SMARCA5: variants seen among roughly 807,000 people sequenced by gnomAD.
SMARCA5 encodes SNF2 related chromatin remodeling ATPase 5.
SMARCA5 carries 18 observed loss-of-function variants against 140.4 expected under a neutral mutation model. That is an observed-to-expected ratio of 0.13 (90% CI 0.09 to 0.19). The LOEUF (loss-of-function observed/expected upper bound fraction) is 0.19. Among genes scored for constraint, SMARCA5 ranks in the 10% least tolerant of loss-of-function variants. SMARCA5 has a pLI of 1.00. For synonymous variants in SMARCA5, 449 were observed against 419.6 expected (o/e 1.07, Z -0.86); for missense variants, 606 against 1,276.8 (o/e 0.47, Z 8.01).
At chr4:143,543,418 T>A in intron 14 of SMARCA5, 91 bp from the exon 15 acceptor site, 1 of 993,620 alleles carries the variant, frequency 1.0e-6, no homozygotes. Flanking sequence ...GAGATAAAAT[T>A]ATAAAGCATT....
At chr4:143,524,619 G>A (rs1737030421) in intron 4 of SMARCA5, 152 bp downstream of exon 4, 2 of 590,078 alleles carry the variant, frequency 3.4e-6, no homozygotes, top group Non-Finnish European at 6.1e-6. Context: ...GATTTTGATG[G>A]AGATGAGAGC....
intron 22 of SMARCA5, among the ~76,000 whole-genome samples, chr4:143,548,985 A>G (rs1737583742): frequency 6.6e-6 from 1 of 152,134 alleles, no homozygotes; most frequent in African/African-American, 2.4e-5. Context: ...AAACTTAAAT[A>G]CATGAAGATA....
chr4:143,547,106 A>G (rs191546093), intron 20 of SMARCA5, among the ~76,000 whole-genome samples, 198 bp downstream of exon 20: 17 of 152,234 alleles, frequency 1.1e-4, no homozygotes, highest in Admixed American at 9.8e-4. Context: ...TTTTAACCCT[A>G]GCTAACTCTA....
intron 22 of SMARCA5, 85 bp downstream of exon 22, chr4:143,548,225 A>C: frequency 2.6e-6 from 2 of 755,158 alleles, no homozygotes; most frequent in Non-Finnish European, 4.3e-6. Flanking sequence ...ACTTTAAAAA[A>C]ATCTATGAAG....
At chr4:143,518,588 T>A (rs2149816178) in intron 2 of SMARCA5, among the ~76,000 whole-genome samples, 1 of 152,260 alleles carries the variant, frequency 6.6e-6, no homozygotes, top group Non-Finnish European at 1.5e-5. Flanking sequence ...CAGTAAATAT[T>A]TTTGAATGTC....
At chr4:143,550,515 G>T (rs146781765) in intron 23 of SMARCA5, among the ~76,000 whole-genome samples, 341 of 151,854 alleles carry the variant, frequency 2.2e-3, no homozygotes, top group African/African-American at 6.8e-3. Flanking sequence ...CACTGTGTTG[G>T]GCTATCAAAT....
chr4:143,539,796 GAA>G lies in SMARCA5; in HGVS notation c.1771-565_1771-564del, dbSNP rs367700474. ...AGGTGATCCACCCACCTTGGCCTCT[GAA>G]AGTGCTGGGATTACAGGAGTGAGCT... On this transcript the variant is annotated intron_variant, in intron 13 of 23. Coordinates refer to ENST00000283131, the MANE Select transcript of SMARCA5 (RefSeq NM_003601.4). Among the ~76,000 whole-genome samples the G allele has an allele frequency of 2.7e-4, 41 of 152,156 alleles. No individual in the cohort carries two copies. The East Asian group carries it at 6.6e-3, about 24-fold the overall frequency.
chr4:143,528,256 C>G (rs1400907598), intron 7 of SMARCA5, among the ~76,000 whole-genome samples: 8 of 152,154 alleles, frequency 5.3e-5, no homozygotes, highest in Non-Finnish European at 1.2e-4. Flanking sequence ...CACTCCCCGA[C>G]AGGTCCTGGC....
At position 143,546,052 on chromosome 4, in the gene SMARCA5, A is replaced by G; in HGVS notation, c.2520+5A>G. The G allele has an allele frequency of 6.3e-7, 1 of 1,594,304 alleles. No individual in the cohort carries two copies. The highest frequency in any genetic ancestry group is 8.5e-7 in the Non-Finnish European group (1 of 1,173,054). ...AAAGAGAAGCTTCTAACACAGGTAT[A>G]GCCTTTAATCAGTACAAACTTTAGT... On this transcript the variant is annotated splice_donor_5th_base_variant and intron_variant, in intron 19 of 23. Transcript: ENST00000283131.
intron 1 of SMARCA5, among the ~76,000 whole-genome samples, chr4:143,516,177 C>A (rs534331634): frequency 1.6e-4 from 23 of 144,118 alleles, no homozygotes; most frequent in Non-Finnish European, 2.9e-4. Flanking sequence ...AGGTGTTTTT[C>A]TAAACAGAGT....
rs759721825 is a variant in SMARCA5, at chr4:143,543,519, G to A, written c.1914G>A (p.Val638=). The part of the protein sequence containing the change: ...DSIVIQQGRL[V]DQNLNKIGKD... Reference sequence around the variant, plus strand: ...ACAATCTTTTTTCAGGGAGGCTTGTGGATCAGAATCTGAACAAAATTGGGA... The same window carrying A: ...ACAATCTTTTTTCAGGGAGGCTTGTAGATCAGAATCTGAACAAAATTGGGA... Residue 638 remains valine (V), a synonymous_variant, in exon 15 of 24, where the codon GTG becomes GTA. Coordinates refer to ENST00000283131, the MANE Select transcript of SMARCA5 (RefSeq NM_003601.4). 1 of 1,612,680 alleles carries A rather than the reference G, an allele frequency of 6.2e-7. No individual in the cohort carries two copies. Among genetic ancestry groups the A allele is most frequent in the Admixed American group, 1.7e-5 (1 of 59,866 alleles).
At chr4:143,521,352 G>A (rs759843518) in intron 2 of SMARCA5, 77 bp from the exon 3 acceptor site, 1 of 957,158 alleles carries the variant, frequency 1.0e-6, no homozygotes, top group Non-Finnish European at 1.6e-6. Context: ...TCATTGTATG[G>A]AGGCATGCTG....
chr4:143,531,552 A>G (rs1737182699), intron 9 of SMARCA5, among the ~76,000 whole-genome samples: 1 of 152,138 alleles, frequency 6.6e-6, no homozygotes, highest in Non-Finnish European at 1.5e-5. Flanking sequence ...TAGCATGTTT[A>G]ATAGCATCCC....
In SMARCA5 at chr4:143,554,958, C is replaced by T. The variant is rs1426787585; in HGVS notation, c.*1774C>T. ...AAGGGAAACTCACTTGAAAAAAAAG[C>T]ATGAACCAGCTAGGCCCTGCCACCA... On this transcript the variant is annotated 3_prime_UTR_variant, in exon 24 of 24. Transcript: ENST00000283131. 1 of 400,948 alleles carries T rather than the reference C, an allele frequency of 2.5e-6. No homozygotes were observed. The highest frequency in any genetic ancestry group is 4.7e-6 in the Non-Finnish European group (1 of 212,180). The allele number at this position is 400,948 out of a possible 1,614,324, so 24.8% of individuals were successfully genotyped here.
intron 13 of SMARCA5, 146 bp from the exon 14 acceptor site, chr4:143,540,217 C>T: frequency 1.9e-6 from 1 of 531,098 alleles, no homozygotes; most frequent in East Asian, 3.3e-5. Flanking sequence ...CAGAATTCAT[C>T]TGATTCCTTA....
At chr4:143,514,397 G>A (rs1175232987) in intron 1 of SMARCA5, 3 of 348,714 alleles carry the variant, frequency 8.6e-6, no homozygotes, top group Non-Finnish European at 1.6e-5. Context: ...GTGGCCCGGG[G>A]GACCCATCGT....
rs1365436939 is a variant in SMARCA5, at chr4:143,554,979, C to T, written c.*1795C>T. On this transcript the variant is annotated 3_prime_UTR_variant, in exon 24 of 24. Transcript: ENST00000283131. ...AAAGCATGAACCAGCTAGGCCCTGC[C>T]ACCACTGTGTTTGGCCAAGTTCACA... 2 of 456,164 alleles carry T rather than the reference C, an allele frequency of 4.4e-6. No individual in the cohort carries two copies. The highest frequency in any genetic ancestry group is 8.3e-6 in the Non-Finnish European group (2 of 239,794). The allele number at this position is 456,164 out of a possible 1,614,324, so 28.3% of individuals were successfully genotyped here. A position where few individuals can be genotyped will look rare whatever the true frequency, so the allele number is the denominator to read the frequency against.
chr4:143,545,726 A>G (rs1737511714), intron 18 of SMARCA5, 143 bp downstream of exon 18: 1 of 797,656 alleles, frequency 1.3e-6, no homozygotes. Flanking sequence ...TATGAAATAC[A>G]TAAACTTGGG....
chr4:143,532,195 AT>A (rs1737200892), intron 9 of SMARCA5, among the ~76,000 whole-genome samples: 1 of 152,180 alleles, frequency 6.6e-6, no homozygotes, highest in Non-Finnish European at 1.5e-5. Context: ...GAAGGTAGTA[AT>A]TTCCTAGCTA....
Sources: allele counts gnomAD v4.1 joint callset (sites outside exome capture counted in the v4.1 genomes callset), GRCh38; gene constraint gnomAD v4.1.1; transcripts MANE v1.5; gene names NCBI Gene and HGNC (gene_info 2026-07-23, HGNC 2026-07-21).